The following SIK3 variants were observed in gnomAD, a reference collection of about 807,000 sequenced individuals.
SIK3 encodes the protein SIK family kinase 3.
A neutral mutation model predicts 144.2 loss-of-function variants in SIK3; 28 were observed. The observed-to-expected ratio is 0.19, with a 90% CI of 0.14 to 0.27. The LOEUF (loss-of-function observed/expected upper bound fraction) is 0.27, where lower values mean the gene tolerates loss of function less well. Among genes scored for constraint, SIK3 ranks in the 10% least tolerant of loss-of-function variants. The pLI is 1.00. For synonymous variants in SIK3, 686 were observed against 676.3 expected (o/e 1.01, Z -0.22); for missense variants, 1,319 against 1,776.0 (o/e 0.74, Z 4.62).
chr11:117,019,453 A>G (rs1331659227), intron 1 of SIK3, among the ~76,000 whole-genome samples: 1 of 152,248 alleles, frequency 6.6e-6, no homozygotes, highest in Non-Finnish European at 1.5e-5. Flanking sequence ...CAAGAGTAGA[A>G]CTGACCTACT....
At chr11:117,013,996 A>G (rs1445737371) in intron 1 of SIK3, among the ~76,000 whole-genome samples, 1 of 6,156 alleles carries the variant, frequency 1.6e-4, no homozygotes. Context: ...TTTTTTTTTG[A>G]GACAGGATGG....
At chr11:117,011,151 GA>G (rs1243001502) in intron 1 of SIK3, among the ~76,000 whole-genome samples, 2 of 151,784 alleles carry the variant, frequency 1.3e-5, no homozygotes, top group African/African-American at 4.8e-5. Context: ...CCCTCCTCCT[GA>G]AAAAAGGAAA....
chr11:117,017,835 G>C (rs1384089792), intron 1 of SIK3, among the ~76,000 whole-genome samples: 1 of 152,026 alleles, frequency 6.6e-6, no homozygotes, highest in Non-Finnish European at 1.5e-5. Flanking sequence ...CTTATCATGA[G>C]GTTCAAATTA....
At chr11:116,913,065 T>C (rs564729376) in intron 4 of SIK3, among the ~76,000 whole-genome samples, 134 of 152,226 alleles carry the variant, frequency 8.8e-4, no homozygotes, top group African/African-American at 3.1e-3. Flanking sequence ...AAAACAAAAG[T>C]CAAGTGTGTG....
At chr11:116,921,960 T>C (rs1193845142) in intron 4 of SIK3, among the ~76,000 whole-genome samples, 1 of 152,116 alleles carries the variant, frequency 6.6e-6, no homozygotes, top group African/African-American at 2.4e-5. Context: ...GGTATCACTA[T>C]GAGGCTAGAC....
At chr11:117,069,664 A>C (rs768232804) in intron 1 of SIK3, among the ~76,000 whole-genome samples, 19 of 152,286 alleles carry the variant, frequency 1.2e-4, no homozygotes, top group Middle Eastern at 3.4e-3. Context: ...TAGGCAAAAG[A>C]GCATTTCCTT....
intron 1 of SIK3, 138 bp downstream of exon 1, chr11:117,098,005 G>A (rs1955556458): frequency 8.9e-7 from 1 of 1,122,158 alleles, no homozygotes; most frequent in Non-Finnish European, 1.1e-6. Flanking sequence ...GCCCCGCCGC[G>A]GCTGGCTCCC....
intron 1 of SIK3, among the ~76,000 whole-genome samples, chr11:116,974,981 AT>A (rs1228909304): frequency 6.6e-6 from 1 of 152,048 alleles, no homozygotes; most frequent in Non-Finnish European, 1.5e-5. Flanking sequence ...TCCCTAGACT[AT>A]TTGGCCCTAA....
At chr11:116,950,202 G>C (rs1430686077) in intron 3 of SIK3, 1 of 469,832 alleles carries the variant, frequency 2.1e-6, no homozygotes, top group East Asian at 7.0e-5. Flanking sequence ...ACTTCTCCAG[G>C]ACTCAGCAAT....
At chr11:116,940,808 A>C (rs958905540) in intron 3 of SIK3, among the ~76,000 whole-genome samples, 2 of 151,844 alleles carry the variant, frequency 1.3e-5, no homozygotes, top group Non-Finnish European at 2.9e-5. Context: ...AAAAGGATAA[A>C]TAAATAAAAT....
chr11:116,937,671 T>C (rs557691490), intron 3 of SIK3, among the ~76,000 whole-genome samples: 2 of 152,336 alleles, frequency 1.3e-5, no homozygotes, highest in South Asian at 4.1e-4. Flanking sequence ...TAACGTCATC[T>C]GGAACCACAA....
At chr11:117,060,646 G>A (rs1371816673) in intron 1 of SIK3, among the ~76,000 whole-genome samples, 9 of 151,976 alleles carry the variant, frequency 5.9e-5, no homozygotes, top group Non-Finnish European at 1.5e-5. Context: ...GGAGAGGAAG[G>A]GATGAATAGG....
In SIK3 at chr11:116,843,501, A is replaced by G. The variant is rs534219258; in HGVS notation, c.*2142T>C. 6.6e-6 allele frequency: 1 copy of G among 152,370 alleles called. No homozygotes were observed. The highest frequency in any genetic ancestry group is 2.4e-5 in the African/African-American group (1 of 41,598). The allele number at this position is 152,370 out of a possible 1,614,324, so 9.4% of individuals were successfully genotyped here. A position where few individuals can be genotyped will look rare whatever the true frequency, so the allele number is the denominator to read the frequency against. On this transcript the variant is annotated 3_prime_UTR_variant, in exon 25 of 25. Transcript: ENST00000445177. ...TCTGACATTTTCAAAGAACAGAAAT[A>G]GGAAAGTATGTTCATATACATTCAA...
At chr11:116,862,779 T>C (rs1339576886) in intron 16 of SIK3, among the ~76,000 whole-genome samples, 1 of 152,126 alleles carries the variant, frequency 6.6e-6, no homozygotes, top group Non-Finnish European at 1.5e-5. Flanking sequence ...TCCTAAATCA[T>C]GCGCAGAGTG....
intron 1 of SIK3, among the ~76,000 whole-genome samples, chr11:116,982,943 CAAAA>C (rs35698580): frequency 3.4e-4 from 24 of 69,866 alleles, no homozygotes; most frequent in African/African-American, 1.3e-3. Context: ...GACTCCGTCT[CAAAA>C]AAAAAAAAAA....
chr11:116,875,569 T>C, intron 9 of SIK3, 118 bp from the exon 10 acceptor site: 1 of 1,139,678 alleles, frequency 8.8e-7, no homozygotes, highest in South Asian at 1.5e-5. Flanking sequence ...AAGTTTTTGG[T>C]TCATCGGCCC....
intron 1 of SIK3, among the ~76,000 whole-genome samples, chr11:117,000,578 T>C (rs952001914): frequency 6.6e-6 from 1 of 152,240 alleles, no homozygotes; most frequent in South Asian, 2.1e-4. Context: ...TGATGTATCT[T>C]ATAAAAGTAA....
intron 3 of SIK3, among the ~76,000 whole-genome samples, chr11:116,952,914 C>G (rs1049120569): frequency 2.0e-5 from 3 of 152,176 alleles, no homozygotes; most frequent in Admixed American, 2.0e-4. Context: ...AAAGTATCCC[C>G]TCCCATACTA....
chr11:117,074,547 T>C (rs1183110069), intron 1 of SIK3, among the ~76,000 whole-genome samples: 1 of 152,210 alleles, frequency 6.6e-6, no homozygotes, highest in Non-Finnish European at 1.5e-5. Flanking sequence ...CAAGTTTCTA[T>C]TATGACAATA....
Sources: gnomAD v4.1 joint callset for allele counts (sites outside exome capture counted in the v4.1 genomes callset) on GRCh38, gnomAD v4.1.1 for gene constraint, MANE v1.5 for transcripts, NCBI Gene and HGNC (gene_info 2026-07-23, HGNC 2026-07-21) for gene names.